ZNF385B: variants seen among roughly 807,000 people sequenced by gnomAD.
ZNF385B encodes the protein zinc finger protein 533.
Under a neutral mutation model 39.2 loss-of-function variants are expected in ZNF385B, and 23 were observed. That is an observed-to-expected ratio of 0.59 (90% CI 0.42 to 0.83). The LOEUF (loss-of-function observed/expected upper bound fraction) is 0.83. ZNF385B is among the 40% of genes least tolerant of loss of function. ZNF385B has a pLI of 0.00. For missense variants in ZNF385B, 552 were observed against 598.9 expected, an observed-to-expected ratio of 0.92 and a Z score of 0.82; for synonymous variants, 205 against 222.6, an observed-to-expected ratio of 0.92 and a Z score of 0.70.
rs1047382729 is a variant in ZNF385B, at chr2:179,483,137, C to T, written c.715+135G>A. ...TTCTGTGCAAACATATAATCCTTCC[C>T]GTGAAGAAAACATATTAATATCACA... On this transcript the variant is annotated intron_variant, in intron 6 of 9. Coordinates refer to ENST00000410066, the MANE Select transcript of ZNF385B (RefSeq NM_152520.6). The T allele has an allele frequency of 3.8e-5, 36 of 951,012 alleles. 1 individual carries two copies. In the African/African-American group the frequency reaches 5.0e-4, roughly 13 times the overall value. 58.9% of individuals were successfully genotyped at this position (951,012 alleles called of 1,614,324 possible). A position where few individuals can be genotyped will look rare whatever the true frequency, so the allele number is the denominator to read the frequency against.
At chr2:179,532,025 T>C (rs1420363015) in intron 4 of ZNF385B, among the ~76,000 whole-genome samples, 1 of 152,218 alleles carries the variant, frequency 6.6e-6, no homozygotes, top group Non-Finnish European at 1.5e-5. Context: ...TAAAGACCTT[T>C]AATAGAGTGC....
At position 179,493,298 on chromosome 2, in the gene ZNF385B, C is replaced by T. The variant is rs114367417; in HGVS notation, c.553-9864G>A. Among the ~76,000 whole-genome samples the T allele has an allele frequency of 1.7e-3, 256 of 151,894 alleles. 2 individuals carry two copies. Among genetic ancestry groups the T allele is most frequent in the African/African-American group, 6.0e-3 (248 of 41,456 alleles). ...GTGTAGAGGATAACAAAAGTGAATACCATATATAGGCATATGGCATGTATA... is the reference window on the plus strand; with the variant it reads ...GTGTAGAGGATAACAAAAGTGAATATCATATATAGGCATATGGCATGTATA... On this transcript the variant is annotated intron_variant, in intron 5 of 9. Coordinates refer to ENST00000410066, the MANE Select transcript of ZNF385B (RefSeq NM_152520.6).
At chr2:179,759,854 A>T (rs1703260436) in intron 3 of ZNF385B, among the ~76,000 whole-genome samples, 1 of 152,150 alleles carries the variant, frequency 6.6e-6, no homozygotes, top group Non-Finnish European at 1.5e-5. Context: ...GTAATATTTA[A>T]AATAAGAAAA....
intron 1 of ZNF385B, among the ~76,000 whole-genome samples, chr2:179,804,235 A>T (rs943469457): frequency 6.6e-6 from 1 of 152,092 alleles, no homozygotes; most frequent in African/African-American, 2.4e-5. Context: ...AGATGTACTC[A>T]CATAGAGGGA....
At chr2:179,733,483 T>C (rs896753189) in intron 3 of ZNF385B, among the ~76,000 whole-genome samples, 1 of 152,198 alleles carries the variant, frequency 6.6e-6, no homozygotes, top group Non-Finnish European at 1.5e-5. Flanking sequence ...GCCATGTGTA[T>C]GTTAAAAAGT....
intron 3 of ZNF385B, among the ~76,000 whole-genome samples, chr2:179,710,489 A>C (rs1259731143): frequency 6.6e-6 from 1 of 152,228 alleles, no homozygotes; most frequent in East Asian, 1.9e-4. Context: ...AATGAATGTT[A>C]GTCCTCCCTT....
chr2:179,595,647 A>G (rs1325961811), intron 3 of ZNF385B, among the ~76,000 whole-genome samples: 12 of 149,954 alleles, frequency 8.0e-5, no homozygotes, highest in Admixed American at 4.6e-4. Context: ...TCTTCCAGAG[A>G]CAGGGTCTCA....
intron 4 of ZNF385B, among the ~76,000 whole-genome samples, chr2:179,528,644 C>G (rs1429920853): frequency 6.6e-6 from 1 of 152,172 alleles, no homozygotes; most frequent in African/African-American, 2.4e-5. Context: ...CCTAGTAATG[C>G]TTTCGACAGA....
At chr2:179,562,907 G>C (rs1009924547) in intron 3 of ZNF385B, among the ~76,000 whole-genome samples, 1 of 152,094 alleles carries the variant, frequency 6.6e-6, no homozygotes, top group Non-Finnish European at 1.5e-5. Flanking sequence ...TTTTAAAATT[G>C]CTTTTTATTT....
intron 1 of ZNF385B, among the ~76,000 whole-genome samples, chr2:179,782,182 A>G (rs1298212686): frequency 6.6e-6 from 1 of 152,220 alleles, no homozygotes; most frequent in Non-Finnish European, 1.5e-5. Context: ...GGTTCAACAC[A>G]TGCAAATCAA....
At chr2:179,760,344 C>G (rs921057627) in intron 3 of ZNF385B, among the ~76,000 whole-genome samples, 2 of 151,932 alleles carry the variant, frequency 1.3e-5, no homozygotes, top group African/African-American at 4.8e-5. Flanking sequence ...TTGAAACTCA[C>G]CCCTATCCCT....
chr2:179,658,089 T>C (rs1693999653), intron 3 of ZNF385B, among the ~76,000 whole-genome samples: 1 of 152,222 alleles, frequency 6.6e-6, no homozygotes, highest in South Asian at 2.1e-4. Context: ...AGCTACTGCA[T>C]AGATGAATTC....
chr2:179,605,533 T>C (rs1322993631), intron 3 of ZNF385B, among the ~76,000 whole-genome samples: 1 of 152,154 alleles, frequency 6.6e-6, no homozygotes, highest in East Asian at 1.9e-4. Flanking sequence ...GTCATCAAAA[T>C]GAATTCCATA....
chr2:179,683,766 G>A (rs1226325115), intron 3 of ZNF385B, among the ~76,000 whole-genome samples: 2 of 152,140 alleles, frequency 1.3e-5, no homozygotes, highest in Non-Finnish European at 2.9e-5. Context: ...GTGAGCCACG[G>A]TGCCTGGCCT....
At chr2:179,838,014 A>C (rs917118710) in intron 1 of ZNF385B, among the ~76,000 whole-genome samples, 1 of 152,088 alleles carries the variant, frequency 6.6e-6, no homozygotes, top group East Asian at 1.9e-4. Flanking sequence ...TAAAATTTTA[A>C]GTGCACAATA....
intron 1 of ZNF385B, among the ~76,000 whole-genome samples, chr2:179,848,815 A>G (rs1019208237): frequency 6.6e-6 from 1 of 152,232 alleles, no homozygotes; most frequent in African/African-American, 2.4e-5. Flanking sequence ...GATGATCAAG[A>G]GCAAACCCAT....
intron 3 of ZNF385B, among the ~76,000 whole-genome samples, chr2:179,601,976 T>C (rs1364132469): frequency 1.3e-5 from 2 of 152,184 alleles, no homozygotes. Context: ...AATGATTCTG[T>C]TTTTACTGCT....
chr2:179,485,302 T>C (rs1034914200), intron 5 of ZNF385B, among the ~76,000 whole-genome samples: 4 of 152,222 alleles, frequency 2.6e-5, no homozygotes, highest in Non-Finnish European at 5.9e-5. Context: ...TTTGCTTAAG[T>C]GGAACCATTT....
At chr2:179,559,698 T>C (rs761424579) in intron 3 of ZNF385B, among the ~76,000 whole-genome samples, 6 of 152,134 alleles carry the variant, frequency 3.9e-5, no homozygotes, top group Non-Finnish European at 5.9e-5. Flanking sequence ...TTGATGCATA[T>C]ATATATAGTG....
Sources: allele counts gnomAD v4.1 joint callset (sites outside exome capture counted in the v4.1 genomes callset), GRCh38; gene constraint gnomAD v4.1.1; transcripts MANE v1.5; gene names NCBI Gene and HGNC (gene_info 2026-07-23, HGNC 2026-07-21).